The following KCNT2 variants were observed in gnomAD, a reference collection of about 807,000 sequenced individuals.
The protein encoded by KCNT2 is potassium sodium-activated channel subfamily T member 2.
In KCNT2, 67 loss-of-function variants were observed where a neutral mutation model predicts 153.8. The ratio of observed to expected loss-of-function variants is 0.44; its 90% CI spans 0.36 to 0.53. KCNT2 has a LOEUF of 0.53. Among genes scored for constraint, KCNT2 ranks in the 20% least tolerant of loss-of-function variants. The pLI, the probability that KCNT2 is intolerant of heterozygous loss-of-function variation, is 0.00. For missense variants in KCNT2, 975 were observed against 1,354.8 expected, an observed-to-expected ratio of 0.72 and a Z score of 4.40; for synonymous variants, 500 against 458.8, an observed-to-expected ratio of 1.09 and a Z score of -1.15.
At chr1:196,505,133 G>C (rs1681025617) in intron 1 of KCNT2, among the ~76,000 whole-genome samples, 1 of 151,952 alleles carries the variant, frequency 6.6e-6, no homozygotes, top group Non-Finnish European at 1.5e-5. Context: ...CATTGCTTTT[G>C]GTGTTGTAGA....
intron 14 of KCNT2, among the ~76,000 whole-genome samples, chr1:196,346,588 A>G (rs1666163408): frequency 6.6e-6 from 1 of 151,952 alleles, no homozygotes; most frequent in Admixed American, 6.6e-5. Context: ...ATCCCCTCTC[A>G]TTATTATTGA....
chr1:196,544,153 T>C (rs1308212961), intron 1 of KCNT2, among the ~76,000 whole-genome samples: 1 of 152,150 alleles, frequency 6.6e-6, no homozygotes, highest in East Asian at 1.9e-4. Context: ...AGTTATGGCA[T>C]TCACATGCAA....
At chr1:196,323,972 A>G (rs1429403797) in intron 19 of KCNT2, among the ~76,000 whole-genome samples, 1 of 151,858 alleles carries the variant, frequency 6.6e-6, no homozygotes, top group African/African-American at 2.4e-5. Context: ...GTTAAAAAAA[A>G]AAAAAAAGAA....
intron 27 of KCNT2, among the ~76,000 whole-genome samples, chr1:196,232,257 T>C (rs1323616027): frequency 6.6e-6 from 1 of 151,746 alleles, no homozygotes; most frequent in South Asian, 2.1e-4. Context: ...TAATACCATA[T>C]CATCTAGTGA....
chr1:196,435,615 G>A (rs1049974577), intron 8 of KCNT2, among the ~76,000 whole-genome samples: 3 of 151,548 alleles, frequency 2.0e-5, no homozygotes, highest in South Asian at 2.1e-4. Context: ...CCATGTTGAC[G>A]TACAAATCAA....
chr1:196,537,232 T>C lies in KCNT2; in HGVS notation c.96-44891A>G, dbSNP rs538089062. Among the ~76,000 whole-genome samples, 7 of 152,324 alleles carry C rather than the reference T, an allele frequency of 4.6e-5. 1 individual carries two copies. The South Asian group carries it at 1.2e-3, about 27-fold the overall frequency. On this transcript the variant is annotated intron_variant, in intron 1 of 27. Transcript: ENST00000294725. ...AGAATCAGTGGCTAACATAATATCA[T>C]TAACAAGACCACAACATACGGTGAG...
chr1:196,244,068 G>T lies in KCNT2; in HGVS notation c.3212-7998C>A, dbSNP rs185596669. ...ACATTCCAGGCTCTAGCTCCCAGAT[G>T]ACATTTCTAGACATACCCTCGGCCA... On this transcript the variant is annotated intron_variant, in intron 26 of 27. Coordinates refer to ENST00000294725, the MANE Select transcript of KCNT2 (RefSeq NM_198503.5). Among the ~76,000 whole-genome samples, 12 of 152,186 alleles carry T rather than the reference G, an allele frequency of 7.9e-5. No homozygotes were observed. In the East Asian group the frequency reaches 2.3e-3, roughly 29 times the overall value.
At chr1:196,337,516 C>A (rs541145276) in intron 16 of KCNT2, among the ~76,000 whole-genome samples, 1 of 152,186 alleles carries the variant, frequency 6.6e-6, no homozygotes, top group South Asian at 2.1e-4. Flanking sequence ...ATAAGCCCAA[C>A]AGGATCTGGC....
At chr1:196,474,359 G>T (rs1553232755) in intron 5 of KCNT2, among the ~76,000 whole-genome samples, 1 of 152,086 alleles carries the variant, frequency 6.6e-6, no homozygotes, top group Non-Finnish European at 1.5e-5. Flanking sequence ...TTAATAAAAG[G>T]TTTGGTAATT....
intron 14 of KCNT2, among the ~76,000 whole-genome samples, chr1:196,355,968 A>G (rs1180797919): frequency 6.6e-6 from 1 of 151,758 alleles, no homozygotes; most frequent in Non-Finnish European, 1.5e-5. Context: ...GTGCATTTAT[A>G]TTACATTGCT....
intron 13 of KCNT2, 71 bp from the exon 14 acceptor site, chr1:196,373,319 A>C: frequency 1.4e-6 from 1 of 721,104 alleles, no homozygotes; most frequent in Non-Finnish European, 2.5e-6. Context: ...AAAATAAAAC[A>C]AAATGAATAA....
intron 1 of KCNT2, among the ~76,000 whole-genome samples, chr1:196,520,893 G>T (rs1052104160): frequency 2.6e-5 from 4 of 152,132 alleles, no homozygotes; most frequent in Admixed American, 6.5e-5. Flanking sequence ...AATGGGCAAA[G>T]ATTTCATGAC....
chr1:196,595,487 C>G (rs1663941784), intron 1 of KCNT2, among the ~76,000 whole-genome samples: 1 of 151,964 alleles, frequency 6.6e-6, no homozygotes, highest in South Asian at 2.1e-4. Flanking sequence ...GGGGCTGGTT[C>G]CAGGACCCCT....
chr1:196,373,369 ATG>A, intron 13 of KCNT2, 121 bp from the exon 14 acceptor site: 1 of 598,498 alleles, frequency 1.7e-6, no homozygotes, highest in Non-Finnish European at 3.0e-6. Flanking sequence ...TGTTTTAGAG[ATG>A]TTTTTACAAG....
chr1:196,589,098 CTT>C (rs1395863837), intron 1 of KCNT2, among the ~76,000 whole-genome samples: 1 of 151,874 alleles, frequency 6.6e-6, no homozygotes, highest in African/African-American at 2.4e-5. Flanking sequence ...CAAAAGTAAT[CTT>C]GTTTTGGAAT....
chr1:196,498,465 G>A (rs1680427138), intron 1 of KCNT2, among the ~76,000 whole-genome samples: 1 of 151,928 alleles, frequency 6.6e-6, no homozygotes, highest in African/African-American at 2.4e-5. Context: ...ATTGGTCATG[G>A]AGTCCATATA....
At chr1:196,280,526 T>C (rs981800154) in intron 25 of KCNT2, among the ~76,000 whole-genome samples, 1 of 152,200 alleles carries the variant, frequency 6.6e-6, no homozygotes, top group African/African-American at 2.4e-5. Context: ...CTGAGAACTT[T>C]TCTTATGTGT....
intron 26 of KCNT2, 120 bp from the exon 27 acceptor site, chr1:196,236,190 C>T (rs1654420453): frequency 1.5e-6 from 1 of 668,662 alleles, no homozygotes; most frequent in African/African-American, 1.8e-5. Context: ...TAGTTTTGTC[C>T]ACAGCATGAT....
intron 22 of KCNT2, among the ~76,000 whole-genome samples, chr1:196,290,336 G>C (rs1246926052): frequency 6.6e-6 from 1 of 151,778 alleles, no homozygotes; most frequent in African/African-American, 2.4e-5. Flanking sequence ...AATACTCTTG[G>C]ACCCCTTGCT....
Sources: gnomAD v4.1 joint callset for allele counts (sites outside exome capture counted in the v4.1 genomes callset) on GRCh38, gnomAD v4.1.1 for gene constraint, MANE v1.5 for transcripts, NCBI Gene and HGNC (gene_info 2026-07-23, HGNC 2026-07-21) for gene names.